The following FAS variants were observed in gnomAD, a reference collection of about 807,000 sequenced individuals.
FAS encodes the protein tumor necrosis factor receptor superfamily member 6.
Under a neutral mutation model 33.2 loss-of-function variants are expected in FAS, and 5 were observed. That is an observed-to-expected ratio of 0.15 (90% CI 0.08 to 0.32). The LOEUF is 0.32. Among genes scored for constraint, FAS ranks in the 10% least tolerant of loss-of-function variants. FAS has a pLI of 1.00. For synonymous variants in FAS, 131 were observed against 130.7 expected (o/e 1.00, Z -0.01); for missense variants, 339 against 386.0 (o/e 0.88, Z 1.02).
rs182903136 is a variant in FAS, at chr10:88,971,084, C to T, written n.95-2098C>T. ...ATGGCACAAATAATAGACATTTTCC[C>T]GAATAATGGCGTCTGATTTTCAAGC... On this transcript the variant is annotated intron_variant and non_coding_transcript_variant, in intron 1 of 3. Coordinates refer to the FAS transcript ENST00000688239. Among the ~76,000 whole-genome samples the T allele has an allele frequency of 3.3e-3, 504 of 152,216 alleles. 4 individuals are homozygous for T. Among genetic ancestry groups the T allele is most frequent in the African/African-American group, 0.012 (480 of 41,532 alleles).
chr10:88,989,471 G>T (rs1282134440), upstream of FAS: 3 of 542,740 alleles, frequency 5.5e-6, no homozygotes, highest in African/African-American at 5.7e-5. Context: ...TCTATTAGAT[G>T]CTCAGAGTGT....
In FAS at chr10:89,014,120, T is replaced by C. The variant is rs772962067; in HGVS notation, c.678T>C (p.Asp226=). 1 of 1,613,310 alleles carries C rather than the reference T, an allele frequency of 6.2e-7. No homozygotes were observed. Among genetic ancestry groups the C allele is most frequent in the Non-Finnish European group, 8.5e-7 (1 of 1,179,834 alleles). ...NPETVAINLS[D]VDLSKYITTI... is the part of the protein sequence containing the mutation. ...TTCAGACTATTTTCTATTTTTCAGA[T>C]GTTGACTTGAGTAAATATATCACCA... The change falls in exon 9 of 9, where the codon GAT becomes GAC. Residue 226 remains aspartate, a splice_region_variant and synonymous_variant. Transcript: ENST00000652046.
Position 89,010,762 on chromosome 10 carries a change from C to A in FAS, c.515C>A (p.Ser172Tyr). 2 of 1,614,074 alleles carry A rather than the reference C, an allele frequency of 1.2e-6. No individual in the cohort carries two copies. The highest frequency in any genetic ancestry group is 1.3e-5 in the African/African-American group (1 of 75,042). The change falls in exon 6 of 9, where the codon TCT (serine) becomes TAT (tyrosine). Residue 172 changes from serine to tyrosine, a missense_variant. This residue lies in a region of FAS where 276 missense variants were observed against 300.1 expected (regional missense o/e 0.92). Coordinates refer to ENST00000652046, the MANE Select transcript of FAS (RefSeq NM_000043.6). ...NTKCKEEGSR[S>Y]NLGWLCLLLL... ...ATGTTCCAACCTACAGGATCCAGAT[C>A]TAACTTGGGGTGGCTTTGTCTTCTT...
intron 2 of FAS, among the ~76,000 whole-genome samples, chr10:88,978,588 A>G (rs1308851120): frequency 1.3e-5 from 2 of 152,144 alleles, no homozygotes; most frequent in Non-Finnish European, 2.9e-5. Flanking sequence ...ATTGAAAGCC[A>G]ATCTCAATGG....
intron 1 of FAS, among the ~76,000 whole-genome samples, chr10:88,992,051 G>C (rs1403167002): frequency 6.6e-6 from 1 of 152,284 alleles, no homozygotes; most frequent in East Asian, 1.9e-4. Context: ...ATGGCGAAAT[G>C]AGGTTCAGAG....
At position 88,976,137 on chromosome 10, in the gene FAS, A is replaced by T. The variant is rs533491848; in HGVS notation, n.260+2790A>T. 5.3e-5 allele frequency among the ~76,000 whole-genome samples: 8 copies of T among 152,276 alleles called. No homozygotes were observed. In the South Asian group the frequency reaches 1.7e-3, roughly 32 times the overall value. ...CAATCTTTTAGCTTCCCTGGGCCAC[A>T]TTGGAAGACTAAGAATTGTCTTGGG... On this transcript the variant is annotated intron_variant and non_coding_transcript_variant, in intron 2 of 3. Coordinates refer to the FAS transcript ENST00000688239.
intron 8 of FAS, among the ~76,000 whole-genome samples, chr10:89,013,728 C>T (rs1848646104): frequency 6.6e-6 from 1 of 152,178 alleles, no homozygotes; most frequent in Admixed American, 6.5e-5. Context: ...ATACATGATT[C>T]CATTCAGTTG....
Position 88,966,624 on chromosome 10 carries a change from A to T in FAS, n.95-6558A>T, listed in dbSNP as rs76671311. On this transcript the variant is annotated intron_variant and non_coding_transcript_variant, in intron 1 of 3. Transcript: ENST00000688239. ...AAGCATGACTTAGACAGAGTGCCTA[A>T]AATTCTGTCCCGGGAACCATGATCT... Among the ~76,000 whole-genome samples the T allele has an allele frequency of 8.2e-3, 1,253 of 152,304 alleles. 39 individuals carry two copies. In the East Asian group the frequency reaches 0.13, roughly 15 times the overall value.
chr10:89,015,575 C>T lies in FAS; in HGVS notation c.*1125C>T, dbSNP rs17847994. On this transcript the variant is annotated 3_prime_UTR_variant, in exon 9 of 9. Transcript: ENST00000652046. ...TAAGATTCTCCTTACTACTATCCTA[C>T]GTTTAAATATCTTTGAAAGTTTGTA... 3.5e-5 allele frequency: 18 copies of T among 519,156 alleles called. No homozygotes were observed. In the East Asian group the frequency reaches 6.3e-4, roughly 18 times the overall value. 32.2% of individuals were successfully genotyped at this position (519,156 alleles called of 1,614,324 possible). A position where few individuals can be genotyped will look rare whatever the true frequency, so the allele number is the denominator to read the frequency against.
intron 4 of FAS, among the ~76,000 whole-genome samples, chr10:89,010,116 C>CTACA (rs1848449023): frequency 6.6e-6 from 1 of 152,166 alleles, no homozygotes; most frequent in Non-Finnish European, 1.5e-5. Context: ...CCTCCCTGAG[C>CTACA]TACATCATGG....
At chr10:89,005,253 A>G (rs540592831) in intron 2 of FAS, among the ~76,000 whole-genome samples, 2 of 152,238 alleles carry the variant, frequency 1.3e-5, no homozygotes, top group East Asian at 1.9e-4. Context: ...CAAACAGGAA[A>G]TTATAGGTGA....
At chr10:88,974,728 A>G (rs1382546577) in intron 2 of FAS, 2 of 152,186 alleles carry the variant, frequency 1.3e-5, no homozygotes, top group Non-Finnish European at 2.9e-5. Flanking sequence ...TTCACTTAAG[A>G]CTTTGTTTGA....
At chr10:88,976,761 C>T (rs1308561173) in intron 2 of FAS, among the ~76,000 whole-genome samples, 1 of 152,150 alleles carries the variant, frequency 6.6e-6, no homozygotes, top group Non-Finnish European at 1.5e-5. Flanking sequence ...AACAGAATTT[C>T]TTGAAAGTAT....
intron 1 of FAS, among the ~76,000 whole-genome samples, chr10:88,969,895 T>C (rs914510794): frequency 2.6e-5 from 4 of 152,220 alleles, no homozygotes; most frequent in Non-Finnish European, 5.9e-5. Flanking sequence ...TGCAAGGATG[T>C]TGTTAAATTG....
rs1437693745 is a variant in FAS at position 89,015,302 on chromosome 10, C to T, written c.*852C>T. On this transcript the variant is annotated 3_prime_UTR_variant, in exon 9 of 9. Transcript: ENST00000652046. Reference sequence around the variant, plus strand: ...AATAGTCCACCAAAAGGCAAGACTGCCCTTAGAAATTCTAGCCTGGTTTGG... The same window carrying T: ...AATAGTCCACCAAAAGGCAAGACTGTCCTTAGAAATTCTAGCCTGGTTTGG... 9.4e-6 allele frequency: 5 copies of T among 534,570 alleles called. No homozygotes were observed. The highest frequency in any genetic ancestry group is 1.8e-5 in the Non-Finnish European group (5 of 276,666). 33.1% of individuals were successfully genotyped at this position (534,570 alleles called of 1,614,324 possible). A position where few individuals can be genotyped will look rare whatever the true frequency, so the allele number is the denominator to read the frequency against.
At chr10:89,006,499 G>A (rs948177129) in intron 2 of FAS, among the ~76,000 whole-genome samples, 21 of 152,180 alleles carry the variant, frequency 1.4e-4, no homozygotes, top group African/African-American at 4.6e-4. Flanking sequence ...CTGTATAGGT[G>A]AGCAGAGCAG....
In FAS at chr10:88,964,237, G is replaced by A. The variant is rs76135666; in HGVS notation, n.95-8945G>A. ...TCTGGAACCCCTGCAAAAAAAGGCA[G>A]ATGAAAAAGAAAAAAGCGAACAGAA... On this transcript the variant is annotated intron_variant and non_coding_transcript_variant, in intron 1 of 3. Coordinates refer to the FAS transcript ENST00000688239. Among the ~76,000 whole-genome samples, 926 of 152,182 alleles carry A rather than the reference G, an allele frequency of 6.1e-3. 14 individuals are homozygous for A. The highest frequency in any genetic ancestry group is 0.021 in the African/African-American group (871 of 41,544).
chr10:88,974,512 G>A (rs968875514), intron 2 of FAS: 1 of 152,128 alleles, frequency 6.6e-6, no homozygotes, highest in Non-Finnish European at 1.5e-5. Flanking sequence ...AGTGAGATCA[G>A]TTATTTATTT....
chr10:88,964,880 T>C (rs1342558237), intron 1 of FAS, among the ~76,000 whole-genome samples: 1 of 152,088 alleles, frequency 6.6e-6, no homozygotes, highest in Non-Finnish European at 1.5e-5. Context: ...TGCCCGCCTG[T>C]TTTTCCTCTG....
Sources: allele counts gnomAD v4.1 joint callset (sites outside exome capture counted in the v4.1 genomes callset), GRCh38; gene constraint gnomAD v4.1.1; regional missense constraint gnomAD v4.1.1; transcripts MANE v1.5; gene names NCBI Gene and HGNC (gene_info 2026-07-23, HGNC 2026-07-21).